IARS1: variants seen among roughly 807,000 people sequenced by gnomAD.
IARS1 encodes isoleucyl-tRNA synthetase 1.
In IARS1, 124 loss-of-function variants were observed where a neutral mutation model predicts 168.2. The observed-to-expected ratio is 0.74, with a 90% CI of 0.64 to 0.86. The LOEUF is 0.86. IARS1 is among the 40% of genes least tolerant of loss of function. The pLI, the probability that IARS1 is intolerant of heterozygous loss-of-function variation, is 0.00. For synonymous variants in IARS1, 532 were observed against 529.4 expected, an observed-to-expected ratio of 1.00 and a Z score of -0.07; for missense variants, 1,452 against 1,515.8, an observed-to-expected ratio of 0.96 and a Z score of 0.70.
At chr9:92,240,079 T>C (rs1564165719) in intron 30 of IARS1, among the ~76,000 whole-genome samples, 1 of 152,256 alleles carries the variant, frequency 6.6e-6, no homozygotes, top group East Asian at 1.9e-4. Flanking sequence ...TTTAGGTCAC[T>C]TGGTTACAAG....
intron 11 of IARS1, 34 bp from the exon 12 acceptor site, chr9:92,271,110 CATACT>C: frequency 7.2e-7 from 1 of 1,383,604 alleles, no homozygotes; most frequent in Non-Finnish European, 1.0e-6. Context: ...GCCATTAAAA[CATACT>C]ATAATACTTA....
intron 23 of IARS1, among the ~76,000 whole-genome samples, 190 bp from the exon 24 acceptor site, chr9:92,250,479 G>A (rs1446000468): frequency 2.6e-5 from 4 of 152,206 alleles, no homozygotes; most frequent in African/African-American, 9.7e-5. Context: ...GAGCCCCCAT[G>A]GGGCATGCCC....
chr9:92,285,014 G>A (rs930361476), intron 6 of IARS1, among the ~76,000 whole-genome samples: 4 of 152,108 alleles, frequency 2.6e-5, no homozygotes, highest in African/African-American at 4.8e-5. Context: ...TAAATAAAAC[G>A]TGCTTTGAAA....
In IARS1 at chr9:92,278,403, T is replaced by C. The variant is rs118160724; in HGVS notation, c.746-117A>G. ...GCTCCTGTACCATGTGCCTCTACTGTACCCAGTACTCACAGAGAAATACTG... is the reference window on the plus strand; with the variant it reads ...GCTCCTGTACCATGTGCCTCTACTGCACCCAGTACTCACAGAGAAATACTG... On this transcript the variant is annotated intron_variant, in intron 7 of 33. Coordinates refer to ENST00000443024, the MANE Select transcript of IARS1 (RefSeq NM_002161.6). The C allele has an allele frequency of 2.3e-3, 1,628 of 711,206 alleles. 3 individuals are homozygous for C. Among genetic ancestry groups the C allele is most frequent in the Non-Finnish European group, 3.5e-3 (1,365 of 392,524 alleles). The allele number at this position is 711,206 out of a possible 1,614,324, so 44.1% of individuals were successfully genotyped here. A position where few individuals can be genotyped will look rare whatever the true frequency, so the allele number is the denominator to read the frequency against.
chr9:92,214,829 G>A (rs1241595816), intron 33 of IARS1, among the ~76,000 whole-genome samples: 1 of 152,248 alleles, frequency 6.6e-6, no homozygotes, highest in African/African-American at 2.4e-5. Flanking sequence ...CTGCAAGGCG[G>A]CAGCAAGGCT....
intron 29 of IARS1, among the ~76,000 whole-genome samples, chr9:92,241,364 G>A (rs998672757): frequency 1.3e-5 from 2 of 149,008 alleles, no homozygotes; most frequent in East Asian, 2.0e-4. Flanking sequence ...TTTTTTTTTT[G>A]AGACAGGGTC....
Position 92,210,294 on chromosome 9 carries a change from T to C in IARS1, c.*513A>G, listed in dbSNP as rs1015324042. On this transcript the variant is annotated 3_prime_UTR_variant, in exon 34 of 34. Coordinates refer to ENST00000443024, the MANE Select transcript of IARS1 (RefSeq NM_002161.6). ...TTTTATGTTCTTCAAAGTTTACACATTTCAAGTTTCATTTATCTATGGGAG... is the reference window on the plus strand; with the variant it reads ...TTTTATGTTCTTCAAAGTTTACACACTTCAAGTTTCATTTATCTATGGGAG... 6.6e-6 allele frequency: 1 copy of C among 152,590 alleles called. No homozygotes were observed. Among genetic ancestry groups the C allele is most frequent in the Non-Finnish European group, 1.5e-5 (1 of 68,206 alleles). The allele number at this position is 152,590 out of a possible 1,614,324, so 9.5% of individuals were successfully genotyped here.
chr9:92,258,947 T>C lies in IARS1; in HGVS notation c.1923A>G (p.Lys641=), dbSNP rs1831132291. ...PVVRAENLRF[K]EEGVRDVLKD... The stretch of plus-strand genomic sequence containing the variant: ...TAAGGACGTCCCGCACACCCTCTTC[T>C]TTAAAGCGGAGGTTTTCTGCTCTCA... The change falls in exon 19 of 34, where the codon AAA becomes AAG. Residue 641 remains lysine (K), a synonymous_variant. Transcript: ENST00000443024. 3 of 1,613,844 alleles carry C rather than the reference T, an allele frequency of 1.9e-6. No individual in the cohort carries two copies. The highest frequency in any genetic ancestry group is 3.3e-5 in the Admixed American group (2 of 59,932).
rs1228310996 is a variant in IARS1, at chr9:92,285,760, T to G, written c.559A>C (p.Thr187Pro). The G allele has an allele frequency of 6.2e-7, 1 of 1,612,798 alleles. No homozygotes were observed. The highest frequency in any genetic ancestry group is 2.2e-5 in the East Asian group (1 of 44,862). Residue 187 changes from threonine (T) to proline (P), a missense_variant, in exon 6 of 34, where the codon ACT (threonine) becomes CCT (proline). Physicochemically the swap from Thr to Pro is conservative, Grantham distance 38. Coordinates refer to ENST00000443024, the MANE Select transcript of IARS1 (RefSeq NM_002161.6). ...TGTGACTCGAAGTTGGAAAGTGGAG[T>G]GTTACATGCCGTAGAGAAGGGCATG... ...KVMPFSTACNTPLSNFESHQN... is the reference protein window; with the variant it reads ...KVMPFSTACNPPLSNFESHQN...
chr9:92,244,167 G>A (rs1828848284), intron 27 of IARS1, among the ~76,000 whole-genome samples: 1 of 152,122 alleles, frequency 6.6e-6, no homozygotes, highest in Non-Finnish European at 1.5e-5. Context: ...AACTTTTCAG[G>A]CCCCTAACAT....
intron 14 of IARS1, 24 bp downstream of exon 14, chr9:92,268,150 C>A: frequency 6.5e-7 from 1 of 1,542,986 alleles, no homozygotes; most frequent in South Asian, 1.2e-5. Flanking sequence ...AAAATCAACA[C>A]AAGGAAATAC....
chr9:92,289,174 T>G, intron 2 of IARS1, 127 bp downstream of exon 2: 1 of 504,376 alleles, frequency 2.0e-6, no homozygotes, highest in Non-Finnish European at 3.5e-6. Context: ...ACCACTGCCC[T>G]CCAGCCTGGA....
At position 92,210,792 on chromosome 9, in the gene IARS1, A is replaced by G. The variant is rs534901468; in HGVS notation, c.*15T>C. 2.5e-5 allele frequency: 39 copies of G among 1,552,484 alleles called. 1 individual carries two copies. In the East Asian group the frequency reaches 8.1e-4, roughly 32 times the overall value. ...ATTAGGGAAGGGCTGACCGAACAAC[A>G]TTGATAAGTACATGCTAGAAGTCTG... is the stretch of plus-strand genomic sequence containing the variant. On this transcript the variant is annotated 3_prime_UTR_variant, in exon 34 of 34. Transcript: ENST00000443024.
At position 92,285,734 on chromosome 9, in the gene IARS1, G is replaced by A. The variant is rs773560668; in HGVS notation, c.585C>T (p.His195=). The change falls in exon 6 of 34, where the codon CAC becomes CAT. Residue 195 remains histidine (H), a synonymous_variant. Coordinates refer to ENST00000443024, the MANE Select transcript of IARS1 (RefSeq NM_002161.6). ...CNTPLSNFES[H]QNYKDVQDPS... Reference sequence around the variant, plus strand: ...ACATTTCACGTACCTTATAATTCTGGTGTGACTCGAAGTTGGAAAGTGGAG... The same window carrying A: ...ACATTTCACGTACCTTATAATTCTGATGTGACTCGAAGTTGGAAAGTGGAG... 1.9e-6 allele frequency: 3 copies of A among 1,596,424 alleles called. No individual in the cohort carries two copies. The highest frequency in any genetic ancestry group is 2.6e-6 in the Non-Finnish European group (3 of 1,163,938).
intron 14 of IARS1, 131 bp downstream of exon 14, chr9:92,268,043 A>G: frequency 1.0e-6 from 1 of 989,470 alleles, no homozygotes; most frequent in Middle Eastern, 2.3e-4. Context: ...CTAGAAAGGA[A>G]TAAAGAGGAA....
intron 33 of IARS1, among the ~76,000 whole-genome samples, chr9:92,217,186 C>G (rs1838858717): frequency 1.3e-5 from 2 of 151,836 alleles, no homozygotes; most frequent in Admixed American, 1.3e-4. Context: ...GGGTACATAA[C>G]AAAATGAAGG....
chr9:92,249,475 C>A (rs1187352030), intron 25 of IARS1, among the ~76,000 whole-genome samples: 1 of 152,078 alleles, frequency 6.6e-6, no homozygotes, highest in Non-Finnish European at 1.5e-5. Flanking sequence ...ATCGCTTGAA[C>A]CCAGGAGGTG....
At chr9:92,278,167 C>A (rs747599337) in intron 8 of IARS1, 32 bp downstream of exon 8, 8 of 1,351,278 alleles carry the variant, frequency 5.9e-6, no homozygotes, top group Non-Finnish European at 8.5e-6. Flanking sequence ...GACACATGCA[C>A]ACAAACACAG....
At chr9:92,272,349 G>C (rs979048121) in intron 10 of IARS1, among the ~76,000 whole-genome samples, 13 of 152,236 alleles carry the variant, frequency 8.5e-5, no homozygotes, top group Non-Finnish European at 1.9e-4. Context: ...CATGTGGGTA[G>C]ACAGGAAAAG....
Sources: gnomAD v4.1 joint callset for allele counts (sites outside exome capture counted in the v4.1 genomes callset) on GRCh38, gnomAD v4.1.1 for gene constraint, MANE v1.5 for transcripts, NCBI Gene and HGNC (gene_info 2026-07-23, HGNC 2026-07-21) for gene names.